The following ADGRV1 variants were observed in gnomAD, a reference collection of about 807,000 sequenced individuals.
ADGRV1 encodes G-protein coupled receptor 98.
In ADGRV1, 359 loss-of-function variants were observed where a neutral mutation model predicts 596.2. The observed-to-expected ratio is 0.60, with a 90% CI of 0.55 to 0.66. The LOEUF (loss-of-function observed/expected upper bound fraction) is 0.66. Among genes scored for constraint, ADGRV1 ranks in the 30% least tolerant of loss-of-function variants. The probability of loss-of-function intolerance (pLI) is 0.00; values close to 1 mark genes in which losing one functional copy is unlikely to be tolerated. For missense variants in ADGRV1, 7,274 were observed against 7,575.6 expected (o/e 0.96, Z 1.48); for synonymous variants, 2,681 against 2,679.2 (o/e 1.00, Z -0.02).
intron 1 of ADGRV1, among the ~76,000 whole-genome samples, chr5:90,561,869 G>T (rs1754879509): frequency 6.6e-6 from 1 of 152,142 alleles, no homozygotes; most frequent in South Asian, 2.1e-4. Flanking sequence ...TGATTTTGGG[G>T]GGACAAATTG....
At chr5:90,995,281 T>G (rs1448285111) in intron 85 of ADGRV1, among the ~76,000 whole-genome samples, 2 of 152,206 alleles carry the variant, frequency 1.3e-5, no homozygotes, top group Admixed American at 6.5e-5. Context: ...GGCTGAACTC[T>G]GAGATACGTG....
rs757029909 is a variant in ADGRV1 at position 91,014,136 on chromosome 5, C to CCCCCCACACACACACACACACACACACA, written c.18152+28615_18152+28616insCCCCACACACACACACACACACACACAC. ...TCATAGGCAATCCCATTCACAATTGCCACACACACACACACACACACACAC... is the reference window on the plus strand; with the variant it reads ...TCATAGGCAATCCCATTCACAATTGCCCCCCACACACACACACACACACACACACACACACACACACACACACACACAC... On this transcript the variant is annotated intron_variant, in intron 85 of 89. Coordinates refer to ENST00000405460, the MANE Select transcript of ADGRV1 (RefSeq NM_032119.4). Among the ~76,000 whole-genome samples the CCCCCCACACACACACACACACACACACA allele has an allele frequency of 2.5e-4, 9 of 35,690 alleles. No homozygotes were observed. The East Asian group carries it at 3.4e-3, about 14-fold the overall frequency. The allele number at this position is 35,690 out of a possible 152,430, so 23.4% of individuals were successfully genotyped here. A position where few individuals can be genotyped will look rare whatever the true frequency, so the allele number is the denominator to read the frequency against.
chr5:90,914,514 A>G (rs1288636173), intron 83 of ADGRV1, among the ~76,000 whole-genome samples: 1 of 152,210 alleles, frequency 6.6e-6, no homozygotes, highest in African/African-American at 2.4e-5. Flanking sequence ...ATAAACCTTA[A>G]GGCTAGATGA....
intron 57 of ADGRV1, among the ~76,000 whole-genome samples, chr5:90,758,371 T>C (rs1322526260): frequency 6.6e-6 from 1 of 152,124 alleles, no homozygotes; most frequent in Non-Finnish European, 1.5e-5. Flanking sequence ...TGCAAGTCAA[T>C]GAGATTCTTA....
At position 91,128,463 on chromosome 5, in the gene ADGRV1, G is replaced by A. The variant is rs116349962; in HGVS notation, c.18433-21567G>A. 9.9e-3 allele frequency among the ~76,000 whole-genome samples: 1,509 copies of A among 152,170 alleles called. 26 individuals are homozygous for A. The highest frequency in any genetic ancestry group is 0.035 in the African/African-American group (1,435 of 41,520). On this transcript the variant is annotated intron_variant, in intron 87 of 89. Transcript: ENST00000405460. ...AGCCACTTGAAGACAGGTGCTATGC[G>A]TTTAACCTCTGTGTTCCAACCCTAA...
In ADGRV1 at chr5:90,653,894, G is replaced by T. The variant is rs1202551472; in HGVS notation, c.4320G>T (p.Leu1440=). The part of the protein sequence containing the change: ...ILEDGIIEFY[L]DGNAMPRGIK... ...AGGATGGTATAATCGAATTCTACCT[G>T]GATGGAAATGCAATGCCCAGGGGAA... Residue 1440 remains leucine (L), a synonymous_variant, in exon 20 of 90, where the codon CTG becomes CTT. Transcript: ENST00000405460. 1 of 1,584,820 alleles carries T rather than the reference G, an allele frequency of 6.3e-7. No homozygotes were observed. The highest frequency in any genetic ancestry group is 8.6e-7 in the Non-Finnish European group (1 of 1,164,434).
rs141985839 is a variant in ADGRV1 at position 90,641,157 on chromosome 5, A to G, written c.2241-1479A>G. ...ACATTTAGACGAACTTAAAATTTTT[A>G]ACTTTCCTTGTAGGTCCACATAACC... On this transcript the variant is annotated intron_variant, in intron 11 of 89. Coordinates refer to ENST00000405460, the MANE Select transcript of ADGRV1 (RefSeq NM_032119.4). Among the ~76,000 whole-genome samples, 473 of 152,328 alleles carry G rather than the reference A, an allele frequency of 3.1e-3. 2 individuals carry two copies. Among genetic ancestry groups the G allele is most frequent in the African/African-American group, 0.01 (427 of 41,576 alleles).
chr5:91,086,421 C>T (rs1789880848), intron 86 of ADGRV1, among the ~76,000 whole-genome samples: 1 of 152,144 alleles, frequency 6.6e-6, no homozygotes. Context: ...TCTTCTTCCT[C>T]TTGATACTTT....
chr5:90,886,897 T>C (rs1770346360), intron 83 of ADGRV1, among the ~76,000 whole-genome samples: 1 of 152,150 alleles, frequency 6.6e-6, no homozygotes, highest in Admixed American at 6.6e-5. Flanking sequence ...CATGAGTTCA[T>C]CTCCTTTTTT....
intron 33 of ADGRV1, among the ~76,000 whole-genome samples, chr5:90,695,542 A>G (rs1383804235): frequency 3.3e-5 from 5 of 152,138 alleles, no homozygotes; most frequent in Non-Finnish European, 5.9e-5. Flanking sequence ...CTCAAAATAT[A>G]CAACAAAATG....
At chr5:90,609,036 A>G (rs1001244315) in intron 1 of ADGRV1, among the ~76,000 whole-genome samples, 14 of 152,178 alleles carry the variant, frequency 9.2e-5, no homozygotes, top group Non-Finnish European at 1.8e-4. Context: ...AGGAAAGTCT[A>G]CATGGAAGTC....
At chr5:91,087,297 T>A (rs1789963669) in intron 86 of ADGRV1, among the ~76,000 whole-genome samples, 1 of 150,600 alleles carries the variant, frequency 6.6e-6, no homozygotes, top group Non-Finnish European at 1.5e-5. Context: ...TTGTTGTTGT[T>A]TTTTGTTTTT....
rs1012723841 is a variant in ADGRV1, at chr5:90,694,498, T to C, written c.7742T>C (p.Val2581Ala). The change falls in exon 33 of 90, where the codon GTG (valine) becomes GCG (alanine). Residue 2581 changes from valine (V) to alanine (A), a missense_variant. Val to Ala is a moderately conservative substitution (Grantham distance 64, BLOSUM62 0). Coordinates refer to ENST00000405460, the MANE Select transcript of ADGRV1 (RefSeq NM_032119.4). ...AATGGTGATGCCTTTGGAGTGTTTG[T>C]GATCTACAATATTAGTCCCAATACT... Reference protein sequence around the residue: ...ALNGDAFGVFVIYNISPNTSE... With the variant: ...ALNGDAFGVFAIYNISPNTSE... The C allele has an allele frequency of 6.2e-7, 1 of 1,613,826 alleles. No individual in the cohort carries two copies. Among genetic ancestry groups the C allele is most frequent in the African/African-American group, 1.3e-5 (1 of 74,924 alleles).
intron 86 of ADGRV1, among the ~76,000 whole-genome samples, chr5:91,095,838 A>G (rs1790810374): frequency 1.3e-5 from 2 of 152,078 alleles, no homozygotes; most frequent in African/African-American, 2.4e-5. Context: ...GCTGGAATGC[A>G]ATGGTGCGAT....
chr5:91,054,102 T>TGAGA (rs3079380), intron 85 of ADGRV1, among the ~76,000 whole-genome samples: 1,555 of 126,686 alleles, frequency 0.012, 13 homozygotes, highest in Non-Finnish European at 0.013. Flanking sequence ...TGTGTGTGTG[T>TGAGA]GAGAGAGAGA....
intron 83 of ADGRV1, among the ~76,000 whole-genome samples, chr5:90,963,341 G>T (rs1002061286): frequency 6.6e-6 from 1 of 152,096 alleles, no homozygotes; most frequent in Non-Finnish European, 1.5e-5. Flanking sequence ...ATTTAGGAAG[G>T]TTTAATTTCT....
At chr5:90,715,891 G>C (rs1374117294) in intron 42 of ADGRV1, among the ~76,000 whole-genome samples, 4 of 152,128 alleles carry the variant, frequency 2.6e-5, no homozygotes, top group Non-Finnish European at 5.9e-5. Context: ...TAAGCAATTA[G>C]TAAGTTCTTA....
chr5:91,052,385 T>C (rs1269078371), intron 85 of ADGRV1, among the ~76,000 whole-genome samples: 1 of 151,824 alleles, frequency 6.6e-6, no homozygotes, highest in African/African-American at 2.4e-5. Flanking sequence ...GTTTTGTTAA[T>C]AGCACTGTTT....
chr5:90,833,800 G>C (rs988402638), intron 77 of ADGRV1, among the ~76,000 whole-genome samples: 1 of 152,018 alleles, frequency 6.6e-6, no homozygotes, highest in African/African-American at 2.4e-5. Context: ...TGTTGTTGAA[G>C]TCTAGTTTTT....
Sources: gnomAD v4.1 joint callset for allele counts (sites outside exome capture counted in the v4.1 genomes callset) on GRCh38, gnomAD v4.1.1 for gene constraint, MANE v1.5 for transcripts, NCBI Gene and HGNC (gene_info 2026-07-23, HGNC 2026-07-21) for gene names.